Variants in SMCP observed in about 807,000 individuals in gnomAD.
SMCP encodes sperm mitochondria associated cysteine rich protein.
For synonymous variants in SMCP, 41 were observed against 46.9 expected (o/e 0.87, Z 0.51); for missense variants, 137 against 137.1 (o/e 1.00, Z 0.01).
chr1:152,883,057 A>G (rs1160898406), intron 1 of SMCP, among the ~76,000 whole-genome samples: 3 of 152,294 alleles, frequency 2.0e-5, no homozygotes, highest in South Asian at 4.2e-4. Context: ...AAAAACAAAA[A>G]CAAAAACAAA....
chr1:152,882,680 C>T (rs1364164274), intron 1 of SMCP, among the ~76,000 whole-genome samples: 1 of 152,204 alleles, frequency 6.6e-6, no homozygotes, highest in Non-Finnish European at 1.5e-5. Context: ...CACACACACA[C>T]ACTCTCACAG....
chr1:152,884,941 C>G lies in SMCP; in HGVS notation c.*168C>G. 1.6e-6 allele frequency: 1 copy of G among 637,376 alleles called. No homozygotes were observed. Among genetic ancestry groups the G allele is most frequent in the Non-Finnish European group, 2.8e-6 (1 of 362,320 alleles). The allele number at this position is 637,376 out of a possible 1,614,324, so 39.5% of individuals were successfully genotyped here. ...TCCTATTTCCCATCATAGCTCCCTA[C>G]CCTAGGGAGGCCTCCATCTGGAAAT... is the stretch of plus-strand genomic sequence containing the variant. On this transcript the variant is annotated 3_prime_UTR_variant, in exon 2 of 2. Transcript: ENST00000368765.
intron 1 of SMCP, among the ~76,000 whole-genome samples, chr1:152,880,273 C>T (rs555725412): frequency 2.6e-5 from 4 of 152,112 alleles, no homozygotes; most frequent in East Asian, 1.9e-4. Flanking sequence ...CAAGGAGATA[C>T]GGACAGATAC....
chr1:152,880,688 G>C (rs1649005245), intron 1 of SMCP, among the ~76,000 whole-genome samples: 2 of 152,032 alleles, frequency 1.3e-5, no homozygotes, highest in Admixed American at 1.3e-4. Context: ...ATGGAAGCAG[G>C]GGCCTTTTCC....
intron 1 of SMCP, among the ~76,000 whole-genome samples, chr1:152,879,244 G>T (rs1389355114): frequency 6.6e-6 from 1 of 152,114 alleles, no homozygotes; most frequent in East Asian, 1.9e-4. Flanking sequence ...TTATTGAGAT[G>T]GAGTCTCACT....
intron 1 of SMCP, among the ~76,000 whole-genome samples, chr1:152,878,992 G>A (rs1648954979): frequency 6.6e-6 from 1 of 152,200 alleles, no homozygotes; most frequent in Non-Finnish European, 1.5e-5. Context: ...TGGACATGAG[G>A]CTGGGCCTGT....
At chr1:152,879,673 G>T (rs1260482038) in intron 1 of SMCP, among the ~76,000 whole-genome samples, 2 of 152,196 alleles carry the variant, frequency 1.3e-5, no homozygotes, top group East Asian at 3.8e-4. Context: ...GCTCAGAGGG[G>T]CAGGACCTGC....
intron 1 of SMCP, among the ~76,000 whole-genome samples, chr1:152,883,168 C>T (rs1649108345): frequency 6.6e-6 from 1 of 152,224 alleles, no homozygotes; most frequent in African/African-American, 2.4e-5. Flanking sequence ...CTCCAAATCC[C>T]ACACCCATCC....
chr1:152,883,204 C>T (rs192726902), intron 1 of SMCP, among the ~76,000 whole-genome samples: 10 of 152,330 alleles, frequency 6.6e-5, no homozygotes, highest in African/African-American at 2.2e-4. Context: ...AGGGCTCTGA[C>T]AGGCCTGGCA....
chr1:152,878,586 A>G (rs1015617297), intron 1 of SMCP, 140 bp downstream of exon 1: 2 of 152,584 alleles, frequency 1.3e-5, no homozygotes, highest in Admixed American at 6.5e-5. Flanking sequence ...GATTCATCCT[A>G]TCTTTCAGGA....
rs1166222040 is a variant in SMCP at position 152,884,724 on chromosome 1, C to T, written c.302C>T (p.Thr101Ile). 11 of 1,614,218 alleles carry T rather than the reference C, an allele frequency of 6.8e-6. No individual in the cohort carries two copies. The highest frequency in any genetic ancestry group is 8.5e-6 in the Non-Finnish European group (10 of 1,180,032). The change falls in exon 2 of 2, where the codon ACC (threonine) becomes ATC (isoleucine). Residue 101 changes from threonine to isoleucine, a missense_variant. Coordinates refer to ENST00000368765, the MANE Select transcript of SMCP (RefSeq NM_030663.3). ...SPQTQDKGCQ[T>I]QQQPHSPQNE... The stretch of plus-strand genomic sequence containing the variant: ...CAAACTCAGGACAAGGGCTGTCAAA[C>T]CCAGCAGCAGCCCCATAGCCCACAA...
In SMCP at chr1:152,883,175, A is replaced by C. The variant is rs188068317; in HGVS notation, c.-20-1228A>C. Among the ~76,000 whole-genome samples the C allele has an allele frequency of 2.1e-3, 327 of 152,248 alleles. 2 individuals are homozygous for C. The highest frequency in any genetic ancestry group is 7.5e-3 in the African/African-American group (312 of 41,574). The stretch of plus-strand genomic sequence containing the variant: ...AGTTGTCACTCCAAATCCCACACCC[A>C]TCCTACCCTACCAGTGACAGGGCTC... On this transcript the variant is annotated intron_variant, in intron 1 of 1. Transcript: ENST00000368765.
At position 152,884,686 on chromosome 1, in the gene SMCP, GCCCA is replaced by G; in HGVS notation, c.265_268del (p.Pro89ThrfsTer52). On this transcript the variant is annotated frameshift_variant, in exon 2 of 2. Transcript: ENST00000368765. LOFTEE classifies it low-confidence loss of function (END_TRUNC). The stretch of plus-strand genomic sequence containing the variant: ...TCTCACCCCTTAACATGGAGTCTGA[GCCCA>G]ACTCACCGCAAACTCAGGACAAGGG... 1 of 1,614,200 alleles carries G rather than the reference GCCCA, an allele frequency of 6.2e-7. No individual in the cohort carries two copies. The highest frequency in any genetic ancestry group is 8.5e-7 in the Non-Finnish European group (1 of 1,180,034).
At chr1:152,881,694 C>CAAA (rs767042818) in intron 1 of SMCP, among the ~76,000 whole-genome samples, 9,334 of 69,956 alleles carry the variant, frequency 0.13, 692 homozygotes, top group African/African-American at 0.21. Context: ...GACTCCGTCT[C>CAAA]AAAAAAAAAA....
chr1:152,878,870 C>A (rs1243342748), intron 1 of SMCP, among the ~76,000 whole-genome samples: 1 of 152,092 alleles, frequency 6.6e-6, no homozygotes, highest in Non-Finnish European at 1.5e-5. Context: ...GGACAGAGAC[C>A]CAGGAAGGGT....
At position 152,881,848 on chromosome 1, in the gene SMCP, G is replaced by A. The variant is rs376319412; in HGVS notation, c.-20-2555G>A. 6.6e-5 allele frequency among the ~76,000 whole-genome samples: 10 copies of A among 152,310 alleles called. No individual in the cohort carries two copies. The East Asian group carries it at 9.7e-4, about 15-fold the overall frequency. The stretch of plus-strand genomic sequence containing the variant: ...GAAGGACCTTCTTCACATAGTGGTG[G>A]GAGAGAGAAGTAAGAACAGGGGAAA... On this transcript the variant is annotated intron_variant, in intron 1 of 1. Transcript: ENST00000368765.
intron 1 of SMCP, among the ~76,000 whole-genome samples, chr1:152,881,905 T>A (rs1376745932): frequency 1.3e-5 from 2 of 152,228 alleles, no homozygotes; most frequent in African/African-American, 4.8e-5. Flanking sequence ...TCAGATTTTG[T>A]GAGGTACATA....
Position 152,881,439 on chromosome 1 carries a change from A to C in SMCP, c.-20-2964A>C, listed in dbSNP as rs571759589. ...CGCGGTGGCTCACGCCTGTAATCCC[A>C]GCACTTTGGGAGGCCGAGGCGGGTG... On this transcript the variant is annotated intron_variant, in intron 1 of 1. Transcript: ENST00000368765. 1.2e-4 allele frequency among the ~76,000 whole-genome samples: 18 copies of C among 152,204 alleles called. No homozygotes were observed. The South Asian group carries it at 3.7e-3, about 32-fold the overall frequency.
intron 1 of SMCP, among the ~76,000 whole-genome samples, chr1:152,879,969 G>T (rs1300790803): frequency 6.6e-6 from 1 of 152,096 alleles, no homozygotes; most frequent in East Asian, 1.9e-4. Context: ...GACTTGTAAA[G>T]ATGGACACTA....
Sources: gnomAD v4.1 joint callset for allele counts (sites outside exome capture counted in the v4.1 genomes callset) on GRCh38, gnomAD v4.1.1 for gene constraint, MANE v1.5 for transcripts, NCBI Gene and HGNC (gene_info 2026-07-23, HGNC 2026-07-21) for gene names.